The following UBR1 variants were observed in gnomAD, a reference collection of about 807,000 sequenced individuals.
UBR1 encodes E3 ubiquitin-protein ligase UBR1.
Under a neutral mutation model 242.1 loss-of-function variants are expected in UBR1, and 102 were observed. The observed-to-expected ratio is 0.42, with a 90% CI of 0.36 to 0.50. The LOEUF (loss-of-function observed/expected upper bound fraction) is 0.50, where lower values mean the gene tolerates loss of function less well. UBR1 is among the 20% of genes least tolerant of loss of function. The pLI is 0.01. For synonymous variants in UBR1, 675 were observed against 684.8 expected, an observed-to-expected ratio of 0.99 and a Z score of 0.22; for missense variants, 1,772 against 2,101.8, an observed-to-expected ratio of 0.84 and a Z score of 3.07.
chr15:43,064,849 C>A (rs1304213083), intron 6 of UBR1, among the ~76,000 whole-genome samples: 3 of 152,166 alleles, frequency 2.0e-5, no homozygotes, highest in Non-Finnish European at 4.4e-5. Context: ...GAATTACAGG[C>A]ATGAGCCACC....
chr15:43,004,712 G>A (rs1207822373), intron 30 of UBR1, among the ~76,000 whole-genome samples: 3 of 152,294 alleles, frequency 2.0e-5, no homozygotes, highest in South Asian at 2.1e-4. Flanking sequence ...GTGCAGTGGC[G>A]TGATCTCGGC....
chr15:42,943,787 T>C lies in UBR1; in HGVS notation c.*1542A>G, dbSNP rs1323646850. 1 of 152,272 alleles carries C rather than the reference T, an allele frequency of 6.6e-6. No individual in the cohort carries two copies. The highest frequency in any genetic ancestry group is 2.4e-5 in the African/African-American group (1 of 41,466). The allele number at this position is 152,272 out of a possible 1,614,324, so 9.4% of individuals were successfully genotyped here. ...ACTGAATACTGAATTTCCTGATCCTTACCTGTTATTGTTACAAATTGTTCA... is the reference window on the plus strand; with the variant it reads ...ACTGAATACTGAATTTCCTGATCCTCACCTGTTATTGTTACAAATTGTTCA... On this transcript the variant is annotated 3_prime_UTR_variant, in exon 47 of 47. Transcript: ENST00000290650.
chr15:42,954,256 G>T (rs1320759385), intron 44 of UBR1, among the ~76,000 whole-genome samples: 5 of 152,136 alleles, frequency 3.3e-5, no homozygotes, highest in Non-Finnish European at 7.4e-5. Flanking sequence ...GTAGCCCCAA[G>T]ATTAGGAAAA....
chr15:42,981,106 T>C (rs1596084182), intron 37 of UBR1, among the ~76,000 whole-genome samples: 4 of 152,122 alleles, frequency 2.6e-5, no homozygotes, highest in Admixed American at 2.6e-4. Context: ...CCTCTAATTT[T>C]TCCCTCCTTC....
chr15:42,987,737 T>A lies in UBR1; in HGVS notation c.3997+1082A>T, dbSNP rs1004749921. Among the ~76,000 whole-genome samples the A allele has an allele frequency of 7.2e-3, 701 of 97,476 alleles. 2 individuals carry two copies. Among genetic ancestry groups the A allele is most frequent in the African/African-American group, 0.016 (462 of 28,448 alleles). The allele number at this position is 97,476 out of a possible 152,430, so 63.9% of individuals were successfully genotyped here. A position where few individuals can be genotyped will look rare whatever the true frequency, so the allele number is the denominator to read the frequency against. The stretch of plus-strand genomic sequence containing the variant: ...AAAAAAAAAAAAAAAAAAAAAAAAA[T>A]ATGGCTTCATGCTACTTAATTCAAA... On this transcript the variant is annotated intron_variant, in intron 35 of 46. Transcript: ENST00000290650.
chr15:43,000,915 C>A (rs528740112), intron 32 of UBR1, among the ~76,000 whole-genome samples: 3 of 152,130 alleles, frequency 2.0e-5, no homozygotes, highest in African/African-American at 7.2e-5. Context: ...CTCACTGCAA[C>A]CTCCACCTCC....
chr15:43,092,726 G>A, intron 1 of UBR1, among the ~76,000 whole-genome samples: 1 of 152,088 alleles, frequency 6.6e-6, no homozygotes, highest in East Asian at 1.9e-4. Flanking sequence ...GCTAATTTTT[G>A]TATTTTTAGT....
intron 14 of UBR1, among the ~76,000 whole-genome samples, chr15:43,045,565 G>A (rs781769314): frequency 2.0e-5 from 3 of 152,152 alleles, no homozygotes; most frequent in Non-Finnish European, 4.4e-5. Context: ...TAGCTTAGGA[G>A]AGTCATCCCT....
intron 4 of UBR1, among the ~76,000 whole-genome samples, chr15:43,072,391 ATT>A (rs2033833874): frequency 6.6e-6 from 1 of 152,182 alleles, no homozygotes; most frequent in African/African-American, 2.4e-5. Flanking sequence ...AGTTGTGTGT[ATT>A]TTATGGCCGA....
intron 46 of UBR1, among the ~76,000 whole-genome samples, chr15:42,949,420 AAAGTAT>A (rs2031791505): frequency 7.0e-6 from 1 of 142,618 alleles, no homozygotes; most frequent in South Asian, 2.3e-4. Context: ...CCTAAAACTT[AAAGTAT>A]AATAATAATA....
chr15:43,000,279 G>A (rs2032703668), intron 32 of UBR1, among the ~76,000 whole-genome samples: 1 of 152,160 alleles, frequency 6.6e-6, no homozygotes, highest in Non-Finnish European at 1.5e-5. Context: ...TAGATTAAAA[G>A]TGTGCCAGAG....
intron 30 of UBR1, 32 bp from the exon 31 acceptor site, chr15:43,003,962 A>AGAG (rs776978523): frequency 6.3e-7 from 1 of 1,595,960 alleles, no homozygotes; most frequent in South Asian, 1.1e-5. Context: ...AGGGAAAAAG[A>AGAG]GAGACAGGTT....
rs1324936573 is a variant in UBR1 at position 43,032,554 on chromosome 15, T to C, written c.2254+14A>G. 2 of 1,511,216 alleles carry C rather than the reference T, an allele frequency of 1.3e-6. No individual in the cohort carries two copies. Among genetic ancestry groups the C allele is most frequent in the Non-Finnish European group, 9.2e-7 (1 of 1,092,512 alleles). 93.6% of individuals were successfully genotyped at this position (1,511,216 alleles called of 1,614,324 possible). ...ACCCATGTTCTATTTCAAAACATTG[T>C]GTTTTAATCTTACCCACAATATAGA... On this transcript the variant is annotated intron_variant, in intron 20 of 46. Coordinates refer to ENST00000290650, the MANE Select transcript of UBR1 (RefSeq NM_174916.3).
intron 12 of UBR1, among the ~76,000 whole-genome samples, chr15:43,050,719 G>A (rs12898255): frequency 0.24 from 33,522 of 140,220 alleles, 4,650 homozygotes; most frequent in African/African-American, 0.39. Flanking sequence ...GCGAGACTCC[G>A]TCTTAAAAAA....
intron 21 of UBR1, 86 bp downstream of exon 21, chr15:43,029,858 A>C: frequency 5.2e-6 from 8 of 1,550,080 alleles, no homozygotes; most frequent in Non-Finnish European, 7.1e-6. Flanking sequence ...TTTTTGCCTA[A>C]AATTTTGAAG....
chr15:43,027,112 T>C (rs969592365), intron 22 of UBR1, among the ~76,000 whole-genome samples: 2 of 152,208 alleles, frequency 1.3e-5, no homozygotes, highest in African/African-American at 4.8e-5. Context: ...ATCCTTTATA[T>C]AGTACTATAA....
chr15:43,050,055 A>G (rs1307142440), intron 12 of UBR1, among the ~76,000 whole-genome samples: 1 of 152,126 alleles, frequency 6.6e-6, no homozygotes. Context: ...AGGCTCGAGT[A>G]ATCCTCCTGC....
At position 43,074,468 on chromosome 15, in the gene UBR1, G is replaced by A. The variant is rs150966430; in HGVS notation, c.528+511C>T. On this transcript the variant is annotated intron_variant, in intron 4 of 46. Transcript: ENST00000290650. ...CTTTTTGAGATAGTCTCACTCTGTC[G>A]CCCAGGATGGAGTGCAGTGGCATGA... Among the ~76,000 whole-genome samples the A allele has an allele frequency of 3.2e-3, 485 of 151,998 alleles. 3 individuals carry two copies. Among genetic ancestry groups the A allele is most frequent in the African/African-American group, 9.7e-3 (400 of 41,434 alleles).
intron 15 of UBR1, among the ~76,000 whole-genome samples, chr15:43,041,093 G>A (rs1033973484): frequency 2.6e-5 from 4 of 152,200 alleles, no homozygotes; most frequent in African/African-American, 7.2e-5. Context: ...CCATTACTGG[G>A]TATATACCCA....
Sources: allele counts gnomAD v4.1 joint callset (sites outside exome capture counted in the v4.1 genomes callset), GRCh38; gene constraint gnomAD v4.1.1; transcripts MANE v1.5; gene names NCBI Gene and HGNC (gene_info 2026-07-23, HGNC 2026-07-21).